Variants in PCDHA13 observed in about 807,000 individuals in gnomAD.
The protein encoded by PCDHA13 is protocadherin alpha-13.
In PCDHA13, 54 loss-of-function variants were observed where a neutral mutation model predicts 64.8. The observed-to-expected ratio is 0.83, with a 90% CI of 0.67 to 1.04. The LOEUF is 1.04. PCDHA13 is among the 50% of genes least tolerant of loss of function. PCDHA13 has a pLI of 0.00. For missense variants in PCDHA13, 1,248 were observed against 1,254.3 expected (o/e 0.99, Z 0.08); for synonymous variants, 587 against 564.4 (o/e 1.04, Z -0.57).
chr5:140,918,585 T>A (rs147777186), intron 1 of PCDHA13, among the ~76,000 whole-genome samples: 51 of 152,368 alleles, frequency 3.3e-4, no homozygotes, highest in African/African-American at 9.9e-4. Context: ...ATTGGCTATA[T>A]GTTCTATAGA....
At chr5:140,909,170 G>A (rs1381735874) in intron 1 of PCDHA13, among the ~76,000 whole-genome samples, 1 of 152,188 alleles carries the variant, frequency 6.6e-6, no homozygotes, top group Non-Finnish European at 1.5e-5. Flanking sequence ...AATCAATCAA[G>A]TTCTCTCCAA....
chr5:140,937,442 A>AAAATATCATTTTAAAATATCATTAT (rs2091531773), intron 1 of PCDHA13, among the ~76,000 whole-genome samples: 1 of 152,160 alleles, frequency 6.6e-6, no homozygotes, highest in Non-Finnish European at 1.5e-5. Context: ...ATGCTATTTT[A>AAAATATCATTTTAAAATATCATTAT]AAAGTTTAAT....
At position 140,883,407 on chromosome 5, in the gene PCDHA13, G is replaced by C. The variant is rs2059598150; in HGVS notation, c.1139G>C (p.Gly380Ala). The change falls in exon 1 of 4, where the codon GGC becomes GCC. Residue 380 changes from glycine (G) to alanine (A), a missense_variant. Coordinates refer to ENST00000289272, the MANE Select transcript of PCDHA13 (RefSeq NM_018904.3). The stretch of plus-strand genomic sequence containing the variant: ...ATCAGTGTGTCCGATCGTGACTCTG[G>C]CTCAAATGGACAGGTCACCTGCACC... ...ALISVSDRDS[G>A]SNGQVTCTLT... The C allele has an allele frequency of 1.9e-6, 3 of 1,614,170 alleles. No homozygotes were observed. In the East Asian group the frequency reaches 6.7e-5, roughly 36 times the overall value.
intron 1 of PCDHA13, among the ~76,000 whole-genome samples, chr5:140,961,406 G>C (rs1046743232): frequency 4.6e-5 from 7 of 152,008 alleles, no homozygotes; most frequent in Non-Finnish European, 1.0e-4. Flanking sequence ...AACACTTTTT[G>C]GCATGTTATT....
chr5:140,883,547 G>A lies in PCDHA13; in HGVS notation c.1279G>A (p.Ala427Thr), dbSNP rs782704587. 2 of 1,614,234 alleles carry A rather than the reference G, an allele frequency of 1.2e-6. No homozygotes were observed. Among genetic ancestry groups the A allele is most frequent in the Admixed American group, 1.7e-5 (1 of 60,026 alleles). Residue 427 changes from alanine (A) to threonine (T), a missense_variant, in exon 1 of 4, where the codon GCG becomes ACG. Ala to Thr is a moderately conservative substitution (Grantham distance 58). Coordinates refer to ENST00000289272, the MANE Select transcript of PCDHA13 (RefSeq NM_018904.3). ...SVSAYELVVT[A>T]RDGGSPSLWA... ...ATCAGCCTATGAACTGGTGGTGACC[G>A]CGCGGGACGGGGGCTCGCCTTCGCT...
chr5:140,966,974 C>A, intron 1 of PCDHA13: 1 of 1,602,874 alleles, frequency 6.2e-7, no homozygotes, highest in Non-Finnish European at 8.5e-7. Context: ...GCTTGAGCTG[C>A]GGCGCTTGGG....
intron 3 of PCDHA13, among the ~76,000 whole-genome samples, chr5:141,005,998 G>A (rs1289174174): frequency 1.3e-5 from 2 of 151,618 alleles, no homozygotes; most frequent in Non-Finnish European, 2.9e-5. Flanking sequence ...GGATCTGAAA[G>A]AAGGCCTGTA....
intron 1 of PCDHA13, chr5:140,966,545 G>A: frequency 2.1e-6 from 1 of 465,980 alleles, no homozygotes; most frequent in Non-Finnish European, 3.7e-6. Context: ...CGACTCGGAG[G>A]CGAGCGGAGG....
chr5:140,912,378 T>C (rs1554195314), intron 1 of PCDHA13, among the ~76,000 whole-genome samples: 1 of 152,002 alleles, frequency 6.6e-6, no homozygotes, highest in African/African-American at 2.4e-5. Context: ...GTAAAAGGGA[T>C]TGAGTTCTTA....
rs782366361 is a variant in PCDHA13, at chr5:140,884,693, T to C, written c.2394+31T>C. On this transcript the variant is annotated intron_variant, in intron 1 of 3. Coordinates refer to ENST00000289272, the MANE Select transcript of PCDHA13 (RefSeq NM_018904.3). ...CTTATATTTTAAAAAATTGTCTTAGTAAACACTTTAGCCTTCCTTGCAGTT... is the reference window on the plus strand; with the variant it reads ...CTTATATTTTAAAAAATTGTCTTAGCAAACACTTTAGCCTTCCTTGCAGTT... The C allele has an allele frequency of 2.1e-5, 32 of 1,524,768 alleles. No individual in the cohort carries two copies. The East Asian group carries it at 6.9e-4, about 33-fold the overall frequency. The allele number at this position is 1,524,768 out of a possible 1,614,324, so 94.5% of individuals were successfully genotyped here. A position where few individuals can be genotyped will look rare whatever the true frequency, so the allele number is the denominator to read the frequency against.
chr5:140,992,681 G>A (rs575311513), intron 3 of PCDHA13, among the ~76,000 whole-genome samples: 2 of 152,286 alleles, frequency 1.3e-5, no homozygotes, highest in South Asian at 4.2e-4. Flanking sequence ...TGTGTGTTAG[G>A]GGTTGAGGGG....
chr5:141,002,941 C>G (rs964416301), intron 3 of PCDHA13, among the ~76,000 whole-genome samples: 18 of 152,216 alleles, frequency 1.2e-4, no homozygotes, highest in African/African-American at 4.1e-4. Flanking sequence ...CACCCTCCAG[C>G]ACATGCCCCT....
At chr5:140,986,044 G>A (rs1261726247) in intron 3 of PCDHA13, among the ~76,000 whole-genome samples, 4 of 152,078 alleles carry the variant, frequency 2.6e-5, no homozygotes, top group African/African-American at 9.7e-5. Flanking sequence ...TGGCCTCACT[G>A]ATGAATTCTT....
intron 3 of PCDHA13, among the ~76,000 whole-genome samples, chr5:140,993,102 C>T (rs979360910): frequency 2.6e-5 from 4 of 152,272 alleles, no homozygotes; most frequent in South Asian, 4.1e-4. Flanking sequence ...GTTTATTCAG[C>T]GGTCAGTGTC....
intron 1 of PCDHA13, among the ~76,000 whole-genome samples, chr5:140,898,250 A>T (rs2066615127): frequency 6.6e-6 from 1 of 152,210 alleles, no homozygotes; most frequent in South Asian, 2.1e-4. Flanking sequence ...TGTTTTAGAC[A>T]TGAAGTCCTT....
intron 1 of PCDHA13, chr5:140,969,386 C>T (rs782109093): frequency 2.5e-6 from 4 of 1,596,966 alleles, no homozygotes; most frequent in South Asian, 1.1e-5. Flanking sequence ...TACACATCCC[C>T]CAATATCCTG....
intron 1 of PCDHA13, among the ~76,000 whole-genome samples, chr5:140,911,205 A>G (rs1554194650): frequency 6.6e-6 from 1 of 152,162 alleles, no homozygotes; most frequent in African/African-American, 2.4e-5. Flanking sequence ...TGTTGCCACT[A>G]CTGGGGATGA....
chr5:140,916,733 A>G (rs1242424937), intron 1 of PCDHA13, among the ~76,000 whole-genome samples: 1 of 152,146 alleles, frequency 6.6e-6, no homozygotes, highest in Non-Finnish European at 1.5e-5. Flanking sequence ...TTGTTGCTGC[A>G]AGCTTCACTG....
intron 1 of PCDHA13, among the ~76,000 whole-genome samples, chr5:140,932,839 C>T (rs138437913): frequency 6.6e-6 from 1 of 151,940 alleles, no homozygotes; most frequent in East Asian, 1.9e-4. Flanking sequence ...GACAATGTGT[C>T]TCATAATGTT....
Sources: allele counts gnomAD v4.1 joint callset (sites outside exome capture counted in the v4.1 genomes callset), GRCh38; gene constraint gnomAD v4.1.1; transcripts MANE v1.5; gene names NCBI Gene and HGNC (gene_info 2026-07-23, HGNC 2026-07-21).